The following KCND2 variants were observed in gnomAD, a reference collection of about 807,000 sequenced individuals.
KCND2 encodes the protein A-type voltage-gated potassium channel KCND2.
A neutral mutation model predicts 54.4 loss-of-function variants in KCND2; 16 were observed. The ratio of observed to expected loss-of-function variants is 0.29; its 90% CI spans 0.20 to 0.45. The LOEUF is 0.45. KCND2 is among the 20% of genes least tolerant of loss of function. The pLI is 1.00. For missense variants in KCND2, 486 were observed against 824.2 expected (o/e 0.59, Z 5.02); for synonymous variants, 317 against 310.7 (o/e 1.02, Z -0.21).
chr7:120,604,339 TAAAA>T (rs5886994), intron 1 of KCND2, among the ~76,000 whole-genome samples: 4 of 123,394 alleles, frequency 3.2e-5, no homozygotes, highest in African/African-American at 9.5e-5. Context: ...CCGTCTTTAC[TAAAA>T]AAAAAAAAAA....
intron 1 of KCND2, among the ~76,000 whole-genome samples, chr7:120,499,804 CT>C (rs1208084752): frequency 6.6e-6 from 1 of 152,016 alleles, no homozygotes. Flanking sequence ...AAATAATCTA[CT>C]TCATCTATCA....
At chr7:120,648,419 A>G (rs1420244312) in intron 1 of KCND2, among the ~76,000 whole-genome samples, 1 of 152,158 alleles carries the variant, frequency 6.6e-6, no homozygotes, top group Non-Finnish European at 1.5e-5. Flanking sequence ...ATGAAGGAAT[A>G]TATGCTAATA....
intron 1 of KCND2, among the ~76,000 whole-genome samples, chr7:120,486,143 G>T (rs570160787): frequency 1.5e-4 from 23 of 152,296 alleles, no homozygotes; most frequent in African/African-American, 5.3e-4. Context: ...TTTGATGTAA[G>T]TGAAGATATA....
At chr7:120,391,076 C>T (rs1303924504) in intron 1 of KCND2, among the ~76,000 whole-genome samples, 1 of 152,080 alleles carries the variant, frequency 6.6e-6, no homozygotes, top group Non-Finnish European at 1.5e-5. Context: ...TTTGCCTCCA[C>T]TGCCCAACAG....
chr7:120,487,699 G>C (rs1410969122), intron 1 of KCND2, among the ~76,000 whole-genome samples: 1 of 152,126 alleles, frequency 6.6e-6, no homozygotes, highest in Non-Finnish European at 1.5e-5. Flanking sequence ...TGATTCATGT[G>C]GGAAGACTAG....
At chr7:120,563,959 A>G (rs1420448232) in intron 1 of KCND2, among the ~76,000 whole-genome samples, 2 of 152,300 alleles carry the variant, frequency 1.3e-5, no homozygotes, top group East Asian at 1.9e-4. Context: ...TTTACATATA[A>G]TCTATCTACA....
chr7:120,637,229 A>G (rs1793316541), intron 1 of KCND2, among the ~76,000 whole-genome samples: 1 of 152,118 alleles, frequency 6.6e-6, no homozygotes, highest in Non-Finnish European at 1.5e-5. Flanking sequence ...TATTTTTTCA[A>G]GATTTCTGAA....
intron 1 of KCND2, among the ~76,000 whole-genome samples, chr7:120,487,126 A>G (rs537537779): frequency 1.4e-4 from 22 of 152,258 alleles, no homozygotes; most frequent in African/African-American, 3.6e-4. Flanking sequence ...GCTCCCCCCA[A>G]TGCCTGGCAT....
intron 1 of KCND2, among the ~76,000 whole-genome samples, chr7:120,629,446 A>G (rs1274198419): frequency 1.3e-5 from 2 of 152,050 alleles, no homozygotes; most frequent in Non-Finnish European, 2.9e-5. Flanking sequence ...AGATGGTGCC[A>G]CTGCACTCCA....
chr7:120,491,541 C>T (rs1366361562), intron 1 of KCND2, among the ~76,000 whole-genome samples: 1 of 152,046 alleles, frequency 6.6e-6, no homozygotes, highest in Non-Finnish European at 1.5e-5. Flanking sequence ...GATGAAGATA[C>T]TAGCCTACAT....
intron 1 of KCND2, among the ~76,000 whole-genome samples, chr7:120,349,542 T>A (rs796111092): frequency 6.6e-5 from 10 of 152,332 alleles, no homozygotes; most frequent in African/African-American, 2.4e-4. Context: ...TTTGGAATTT[T>A]TTTTTCCTGG....
At chr7:120,477,001 G>A (rs1802542924) in intron 1 of KCND2, among the ~76,000 whole-genome samples, 1 of 152,150 alleles carries the variant, frequency 6.6e-6, no homozygotes. Flanking sequence ...TTTAGAAGTA[G>A]TTGGATTGTT....
intron 1 of KCND2, among the ~76,000 whole-genome samples, chr7:120,487,895 G>T (rs1186237564): frequency 6.6e-6 from 1 of 152,076 alleles, no homozygotes; most frequent in African/African-American, 2.4e-5. Context: ...AATTAGTTAT[G>T]TACAGCCAGG....
intron 1 of KCND2, among the ~76,000 whole-genome samples, chr7:120,700,286 G>A (rs987812480): frequency 2.0e-5 from 3 of 152,164 alleles, no homozygotes; most frequent in Non-Finnish European, 4.4e-5. Flanking sequence ...TAATGAGCCC[G>A]TATAAAGGGA....
chr7:120,478,139 C>T (rs1416509470), intron 1 of KCND2, among the ~76,000 whole-genome samples: 3 of 152,150 alleles, frequency 2.0e-5, no homozygotes, highest in African/African-American at 7.2e-5. Flanking sequence ...ACAAGAAATA[C>T]ACTTTATAAA....
intron 1 of KCND2, among the ~76,000 whole-genome samples, chr7:120,479,962 CAAAAAAA>C (rs35246643): frequency 1.5e-5 from 1 of 68,886 alleles, no homozygotes; most frequent in Non-Finnish European, 3.0e-5. Flanking sequence ...GTAAGACTGT[CAAAAAAA>C]AAAAAAAAAA....
chr7:120,639,953 A>T (rs1195441467), intron 1 of KCND2, among the ~76,000 whole-genome samples: 1 of 152,174 alleles, frequency 6.6e-6, no homozygotes, highest in Non-Finnish European at 1.5e-5. Flanking sequence ...AGGAAAGGAA[A>T]AATGTTTCTA....
chr7:120,652,464 C>T (rs1791747957), intron 1 of KCND2, among the ~76,000 whole-genome samples: 1 of 152,134 alleles, frequency 6.6e-6, no homozygotes. Context: ...TGGATGTCCC[C>T]ATGCACTTTT....
chr7:120,507,287 T>C (rs1803038992), intron 1 of KCND2, among the ~76,000 whole-genome samples: 1 of 151,866 alleles, frequency 6.6e-6, no homozygotes, highest in African/African-American at 2.4e-5. Context: ...TTACAAAATT[T>C]ATGGAGAGTG....
Sources: allele counts gnomAD v4.1 joint callset (sites outside exome capture counted in the v4.1 genomes callset), GRCh38; gene constraint gnomAD v4.1.1; transcripts MANE v1.5; gene names NCBI Gene and HGNC (gene_info 2026-07-23, HGNC 2026-07-21).